Variants in PRKN observed in about 807,000 individuals in gnomAD.
PRKN encodes E3 ubiquitin-protein ligase parkin.
Under a neutral mutation model 59.5 loss-of-function variants are expected in PRKN, and 56 were observed. The ratio of observed to expected loss-of-function variants is 0.94; its 90% CI spans 0.76 to 1.18. The LOEUF (loss-of-function observed/expected upper bound fraction) is 1.18, where lower values mean the gene tolerates loss of function less well. Ranked by LOEUF, PRKN falls within the 50% of genes most tolerant of loss-of-function variation. PRKN has a pLI of 0.00. For missense variants in PRKN, 657 were observed against 596.4 expected (o/e 1.10, Z -1.06); for synonymous variants, 250 against 222.1 (o/e 1.13, Z -1.12).
rs758015420 is a variant in PRKN at position 161,356,292 on chromosome 6, C to T, written c.1285+3796G>A. On this transcript the variant is annotated intron_variant, in intron 11 of 11. Coordinates refer to ENST00000366898, the MANE Select transcript of PRKN (RefSeq NM_004562.3). The surrounding 1 kb of genome is among the most constrained non-coding windows in gnomAD (Gnocchi z 7.8). ...GGGTCTTTGGCAGGGTGGTAAGGGG[C>T]GGTCTGACTGAGAAGAGGTCAGCTG... Among the ~76,000 whole-genome samples, 3 of 152,212 alleles carry T rather than the reference C, an allele frequency of 2.0e-5. No homozygotes were observed. Among genetic ancestry groups the T allele is most frequent in the Non-Finnish European group, 2.9e-5 (2 of 67,998 alleles).
intron 5 of PRKN, among the ~76,000 whole-genome samples, chr6:161,973,639 T>C (rs1324458658): frequency 1.3e-5 from 2 of 152,188 alleles, no homozygotes; most frequent in Non-Finnish European, 2.9e-5. Flanking sequence ...GCTATTCTTT[T>C]GCTCTTTAAG....
rs200985676 is a variant in PRKN at position 161,361,341 on chromosome 6, T to C, written c.1168-1136A>G. On this transcript the variant is annotated intron_variant, in intron 10 of 11. Coordinates refer to ENST00000366898, the MANE Select transcript of PRKN (RefSeq NM_004562.3). The surrounding 1 kb of genome is among the most constrained non-coding windows in gnomAD (Gnocchi z 5.2). The stretch of plus-strand genomic sequence containing the variant: ...ATGTTTCTGTTATTTCTGTGGAAAG[T>C]CAATTCTTCCAGAGCCAAGATCACA... 2.6e-5 allele frequency among the ~76,000 whole-genome samples: 4 copies of C among 152,344 alleles called. No homozygotes were observed. In the East Asian group the frequency reaches 7.7e-4, roughly 29 times the overall value.
chr6:162,700,500 T>G (rs7772318), intron 1 of PRKN, among the ~76,000 whole-genome samples: 2 of 152,128 alleles, frequency 1.3e-5, no homozygotes, highest in Non-Finnish European at 2.9e-5. Context: ...CACTTCTTAG[T>G]TGGCCTTCAG....
At chr6:161,434,987 T>A in intron 9 of PRKN, among the ~76,000 whole-genome samples, 1 of 152,288 alleles carries the variant, frequency 6.6e-6, no homozygotes, top group East Asian at 1.9e-4. Context: ...TGAAATTTAC[T>A]GAAAGCCTTT....
chr6:161,862,014 A>C (rs1793923488), intron 6 of PRKN, among the ~76,000 whole-genome samples: 1 of 152,190 alleles, frequency 6.6e-6, no homozygotes, highest in Non-Finnish European at 1.5e-5. Flanking sequence ...CTGCCCTGGC[A>C]TTCCTGGATT....
In PRKN at chr6:162,381,295, A is replaced by G. The variant is rs143695609; in HGVS notation, c.171+62015T>C. 5.0e-3 allele frequency among the ~76,000 whole-genome samples: 766 copies of G among 152,296 alleles called. 5 individuals carry two copies. Among genetic ancestry groups the G allele is most frequent in the African/African-American group, 0.018 (734 of 41,562 alleles). ...TACCCTGTTTTTCAATTATATTTCT[A>G]TAACTATTGTTGCCCTCCTCCCTTT... On this transcript the variant is annotated intron_variant, in intron 2 of 11. Transcript: ENST00000366898.
chr6:162,618,168 T>C (rs1782508965), intron 1 of PRKN, among the ~76,000 whole-genome samples: 1 of 149,050 alleles, frequency 6.7e-6, no homozygotes, highest in African/African-American at 2.6e-5. Context: ...TTTAAAACTG[T>C]TTGGAGCACA....
At chr6:162,531,941 A>T (rs1423085921) in intron 1 of PRKN, among the ~76,000 whole-genome samples, 1 of 67,132 alleles carries the variant, frequency 1.5e-5, no homozygotes, top group East Asian at 2.2e-4. Context: ...CTCTGACTCC[A>T]AAAAAAAAAA....
At position 162,009,966 on chromosome 6, in the gene PRKN, T is replaced by C. The variant is rs564472882; in HGVS notation, c.619-36549A>G. On this transcript the variant is annotated intron_variant, in intron 5 of 11. Transcript: ENST00000366898. ...AAAATAAAGTCTTCTGGTTCATAACTAGGTGTACTTGTAAAAGTTGTTTAT... is the reference window on the plus strand; with the variant it reads ...AAAATAAAGTCTTCTGGTTCATAACCAGGTGTACTTGTAAAAGTTGTTTAT... 2.6e-5 allele frequency among the ~76,000 whole-genome samples: 4 copies of C among 151,494 alleles called. No homozygotes were observed. In the East Asian group the frequency reaches 5.8e-4, roughly 22 times the overall value.
intron 2 of PRKN, among the ~76,000 whole-genome samples, chr6:162,291,980 T>A (rs1781450396): frequency 8.1e-6 from 1 of 123,540 alleles, no homozygotes; most frequent in African/African-American, 3.4e-5. Flanking sequence ...TTTTTTTTTC[T>A]GAGACGGACT....
chr6:162,722,741 T>C (rs1438374223), intron 1 of PRKN, among the ~76,000 whole-genome samples: 1 of 152,206 alleles, frequency 6.6e-6, no homozygotes, highest in Non-Finnish European at 1.5e-5. Context: ...CATATCTTAA[T>C]ACAAAGTACT....
At chr6:162,339,708 T>A (rs1307176463) in intron 2 of PRKN, among the ~76,000 whole-genome samples, 1 of 151,852 alleles carries the variant, frequency 6.6e-6, no homozygotes, top group Non-Finnish European at 1.5e-5. Flanking sequence ...GGGGGAAGGG[T>A]GGGAAAAGAT....
chr6:161,874,908 TTATAAAA>T lies in PRKN; in HGVS notation c.735-89007_735-89001del, dbSNP rs1483568487. Among the ~76,000 whole-genome samples, 355 of 108,606 alleles carry T rather than the reference TTATAAAA, an allele frequency of 3.3e-3. 21 individuals carry two copies. The highest frequency in any genetic ancestry group is 0.013 in the African/African-American group (307 of 23,766). 71.2% of individuals were successfully genotyped at this position (108,606 alleles called of 152,430 possible). A position where few individuals can be genotyped will look rare whatever the true frequency, so the allele number is the denominator to read the frequency against. ...TATAATATATAATATATAATATATA[TTATAAAA>T]TATAAAATATAAAATATAATATAAT... On this transcript the variant is annotated intron_variant, in intron 6 of 11. Transcript: ENST00000366898.
chr6:161,582,206 A>G lies in PRKN; in HGVS notation c.872-12790T>C, dbSNP rs1583257343. On this transcript the variant is annotated intron_variant, in intron 7 of 11. Coordinates refer to ENST00000366898, the MANE Select transcript of PRKN (RefSeq NM_004562.3). The surrounding 1 kb of genome is among the most constrained non-coding windows in gnomAD (Gnocchi z 4.4). ...GATATTTTAAAAGGTAGAATTTCCAATGACAACCCAATTCTTTGGATAATT... is the reference window on the plus strand; with the variant it reads ...GATATTTTAAAAGGTAGAATTTCCAGTGACAACCCAATTCTTTGGATAATT... 6.6e-6 allele frequency among the ~76,000 whole-genome samples: 1 copy of G among 152,160 alleles called. No homozygotes were observed. Among genetic ancestry groups the G allele is most frequent in the Non-Finnish European group, 1.5e-5 (1 of 68,028 alleles).
chr6:162,466,615 C>T (rs1241024547), intron 1 of PRKN, among the ~76,000 whole-genome samples: 2 of 151,876 alleles, frequency 1.3e-5, no homozygotes, highest in Admixed American at 6.6e-5. Flanking sequence ...ACTATGTTGC[C>T]CAGGCTGGTC....
At chr6:162,235,106 G>A (rs909981237) in intron 3 of PRKN, among the ~76,000 whole-genome samples, 1 of 152,172 alleles carries the variant, frequency 6.6e-6, no homozygotes, top group Non-Finnish European at 1.5e-5. Context: ...AGCTGAATGA[G>A]AGGCTTAAGG....
intron 2 of PRKN, among the ~76,000 whole-genome samples, chr6:162,304,661 TA>T: frequency 6.6e-6 from 1 of 150,992 alleles, no homozygotes; most frequent in South Asian, 2.1e-4. Context: ...AACATTTTGT[TA>T]CTCCACTGGC....
chr6:161,640,329 A>ATT (rs1406594383), intron 7 of PRKN, among the ~76,000 whole-genome samples: 1 of 152,172 alleles, frequency 6.6e-6, no homozygotes, highest in Non-Finnish European at 1.5e-5. Context: ...AAACATATAC[A>ATT]GATAAAGTGA....
chr6:162,000,346 T>C (rs990424807), intron 5 of PRKN, among the ~76,000 whole-genome samples: 3 of 152,096 alleles, frequency 2.0e-5, no homozygotes, highest in Non-Finnish European at 4.4e-5. Context: ...TTGTAATAGA[T>C]GTGTACTGGT....
Sources: allele counts gnomAD v4.1 joint callset (sites outside exome capture counted in the v4.1 genomes callset), GRCh38; gene constraint gnomAD v4.1.1; non-coding constraint Gnocchi (gnomAD v3.1); transcripts MANE v1.5; gene names NCBI Gene and HGNC (gene_info 2026-07-23, HGNC 2026-07-21).